The following BCAT1 variants were observed in gnomAD, a reference collection of about 807,000 sequenced individuals.
The protein encoded by BCAT1 is branched chain amino acid transaminase 1, also known as branched-chain-amino-acid aminotransferase, cytosolic.
Under a neutral mutation model 52.4 loss-of-function variants are expected in BCAT1, and 48 were observed. The ratio of observed to expected loss-of-function variants is 0.92; its 90% CI spans 0.73 to 1.16. The LOEUF (loss-of-function observed/expected upper bound fraction) is 1.16, where lower values mean the gene tolerates loss of function less well. Among genes scored for constraint, BCAT1 ranks in the 50% most tolerant of loss-of-function variants. The pLI is 0.00. For missense variants in BCAT1, 451 were observed against 457.1 expected (o/e 0.99, Z 0.12); for synonymous variants, 167 against 161.3 (o/e 1.04, Z -0.27).
chr12:24,889,995 G>A (rs1055023597), intron 3 of BCAT1, among the ~76,000 whole-genome samples: 12 of 152,058 alleles, frequency 7.9e-5, no homozygotes, highest in African/African-American at 1.2e-4. Flanking sequence ...GGCACACCCC[G>A]GGAGGGCATG....
At chr12:24,820,396 T>C (rs1241384991) in intron 10 of BCAT1, among the ~76,000 whole-genome samples, 1 of 152,222 alleles carries the variant, frequency 6.6e-6, no homozygotes, top group Non-Finnish European at 1.5e-5. Context: ...AAAATAATTC[T>C]AAGTAGAGAT....
chr12:24,811,442 G>A lies in BCAT1; in HGVS notation c.*6566C>T, dbSNP rs540840417. On this transcript the variant is annotated 3_prime_UTR_variant, in exon 11 of 11. Transcript: ENST00000261192. ...GAGGAATCTGCAAATAATAAAGAAT[G>A]TGTCTATTGCCAGCAAAATACAATT... is the stretch of plus-strand genomic sequence containing the variant. The A allele has an allele frequency of 5.3e-5, 8 of 152,280 alleles. No individual in the cohort carries two copies. The East Asian group carries it at 1.5e-3, about 29-fold the overall frequency. The allele number at this position is 152,280 out of a possible 1,614,324, so 9.4% of individuals were successfully genotyped here.
At position 24,849,857 on chromosome 12, in the gene BCAT1, T is replaced by C. The variant is rs1941453237; in HGVS notation, c.603A>G (p.Pro201=). Residue 201 remains proline (P), a synonymous_variant, in exon 6 of 11, where the codon CCA becomes CCG. Transcript: ENST00000261192. ...GPYFSSGTFN[P]VSLWANPKYV... Reference sequence around the variant, plus strand: ...ACTTGGGATTGGCCCACAGGGACACTGGATTAAAGGTTCCACTTGAAAAAT... The same window carrying C: ...ACTTGGGATTGGCCCACAGGGACACCGGATTAAAGGTTCCACTTGAAAAAT... The C allele has an allele frequency of 6.2e-7, 1 of 1,613,826 alleles. No homozygotes were observed. Among genetic ancestry groups the C allele is most frequent in the Non-Finnish European group, 8.5e-7 (1 of 1,179,778 alleles).
At chr12:24,946,661 A>G (rs570437792) in intron 1 of BCAT1, among the ~76,000 whole-genome samples, 12 of 152,148 alleles carry the variant, frequency 7.9e-5, no homozygotes, top group Admixed American at 7.9e-4. Flanking sequence ...TCACACTCCT[A>G]TCTCTCTGGG....
intron 1 of BCAT1, chr12:24,902,898 C>T (rs1943151203): frequency 2.0e-6 from 3 of 1,515,450 alleles, no homozygotes; most frequent in African/African-American, 1.4e-5. Flanking sequence ...GCTACCGAGA[C>T]CCGGGTTCCA....
intron 7 of BCAT1, among the ~76,000 whole-genome samples, chr12:24,838,229 G>A (rs1941064127): frequency 1.3e-5 from 2 of 152,166 alleles, no homozygotes; most frequent in Non-Finnish European, 2.9e-5. Context: ...ACTGGGCATT[G>A]TGCCTAGCCC....
intron 10 of BCAT1, among the ~76,000 whole-genome samples, chr12:24,819,032 C>T (rs1435023039): frequency 6.6e-6 from 1 of 152,100 alleles, no homozygotes; most frequent in Non-Finnish European, 1.5e-5. Context: ...CATTATCAAT[C>T]CATTTTATGA....
intron 6 of BCAT1, among the ~76,000 whole-genome samples, chr12:24,847,106 A>G (rs527876220): frequency 6.6e-6 from 1 of 152,328 alleles, no homozygotes; most frequent in Non-Finnish European, 1.5e-5. Context: ...TAATCTGTGC[A>G]AGGTATTATT....
intron 7 of BCAT1, among the ~76,000 whole-genome samples, chr12:24,837,190 A>T (rs1027903984): frequency 4.6e-5 from 6 of 130,996 alleles, no homozygotes; most frequent in African/African-American, 1.6e-4. Context: ...CAGTAAAATA[A>T]TGAGATGGTT....
chr12:24,837,776 A>G (rs1028811117), intron 7 of BCAT1, among the ~76,000 whole-genome samples: 1 of 152,124 alleles, frequency 6.6e-6, no homozygotes, highest in Non-Finnish European at 1.5e-5. Flanking sequence ...ATCAGCAACA[A>G]GTATGGAGAT....
At chr12:24,871,370 T>A (rs958851573) in intron 5 of BCAT1, among the ~76,000 whole-genome samples, 1 of 152,206 alleles carries the variant, frequency 6.6e-6, no homozygotes, top group Non-Finnish European at 1.5e-5. Flanking sequence ...TCATGAACTA[T>A]GCAACAGTTA....
At position 24,868,781 on chromosome 12, in the gene BCAT1, T is replaced by C. The variant is rs188122371; in HGVS notation, c.510+9749A>G. On this transcript the variant is annotated intron_variant, in intron 5 of 10. Coordinates refer to ENST00000261192, the MANE Select transcript of BCAT1 (RefSeq NM_005504.7). ...AAAGTATAAAACATAAAGAAAACTT[T>C]AACTACTTTAAAACTAAGTACTTCT... is the stretch of plus-strand genomic sequence containing the variant. Among the ~76,000 whole-genome samples, 75 of 150,526 alleles carry C rather than the reference T, an allele frequency of 5.0e-4. 1 individual carries two copies. The highest frequency in any genetic ancestry group is 1.7e-3 in the African/African-American group (69 of 39,872).
intron 7 of BCAT1, among the ~76,000 whole-genome samples, 175 bp downstream of exon 7, chr12:24,841,907 A>G (rs752084409): frequency 9.2e-5 from 14 of 152,320 alleles, no homozygotes; most frequent in Middle Eastern, 3.4e-3. Context: ...TCTTTAAAAA[A>G]GAAAGAAAGA....
At chr12:24,885,390 T>C (rs1222473978) in intron 3 of BCAT1, among the ~76,000 whole-genome samples, 1 of 152,180 alleles carries the variant, frequency 6.6e-6, no homozygotes, top group East Asian at 1.9e-4. Flanking sequence ...AAGTTATTAA[T>C]GTAGAAAGCA....
intron 10 of BCAT1, among the ~76,000 whole-genome samples, chr12:24,824,412 C>T (rs1335406538): frequency 1.3e-5 from 2 of 152,128 alleles, no homozygotes; most frequent in Admixed American, 1.3e-4. Context: ...GTTCCTCCTG[C>T]CTCAGCCTCC....
Position 24,838,098 on chromosome 12 carries a change from C to T in BCAT1, c.818-1502G>A, listed in dbSNP as rs142742704. Among the ~76,000 whole-genome samples the T allele has an allele frequency of 1.8e-3, 275 of 152,146 alleles. 2 individuals carry two copies. The highest frequency in any genetic ancestry group is 8.7e-3 in the South Asian group (42 of 4,816). On this transcript the variant is annotated intron_variant, in intron 7 of 10. Coordinates refer to ENST00000261192, the MANE Select transcript of BCAT1 (RefSeq NM_005504.7). ...TGAGTCCTGACACTGAGGCCACCAC[C>T]CTCTCCCTCAATACATGGTGGTTCT...
intron 7 of BCAT1, among the ~76,000 whole-genome samples, chr12:24,839,553 A>T (rs1315580404): frequency 6.6e-6 from 1 of 152,210 alleles, no homozygotes; most frequent in Non-Finnish European, 1.5e-5. Context: ...ATGATGTGTG[A>T]TCTTGCCACC....
chr12:24,902,897 A>G, intron 1 of BCAT1: 2 of 1,514,860 alleles, frequency 1.3e-6, no homozygotes, highest in South Asian at 1.2e-5. Context: ...AGCTACCGAG[A>G]CCCGGGTTCC....
intron 1 of BCAT1, among the ~76,000 whole-genome samples, chr12:24,930,454 C>A (rs1424799056): frequency 6.6e-6 from 1 of 152,252 alleles, no homozygotes; most frequent in Non-Finnish European, 1.5e-5. Context: ...CCTCTCTTGA[C>A]TCTAACCACA....
Sources: gnomAD v4.1 joint callset for allele counts (sites outside exome capture counted in the v4.1 genomes callset) on GRCh38, gnomAD v4.1.1 for gene constraint, MANE v1.5 for transcripts, NCBI Gene and HGNC (gene_info 2026-07-23, HGNC 2026-07-21) for gene names.